The following PTPRA variants were observed in gnomAD, a reference collection of about 807,000 sequenced individuals.
The protein encoded by PTPRA is receptor-type tyrosine-protein phosphatase alpha.
PTPRA carries 25 observed loss-of-function variants against 104.8 expected under a neutral mutation model. The observed-to-expected ratio is 0.24, with a 90% CI of 0.17 to 0.33. The LOEUF (loss-of-function observed/expected upper bound fraction) is 0.33, where lower values mean the gene tolerates loss of function less well. Among genes scored for constraint, PTPRA ranks in the 10% least tolerant of loss-of-function variants. The pLI is 1.00. For missense variants in PTPRA, 765 were observed against 1,015.3 expected, an observed-to-expected ratio of 0.75 and a Z score of 3.35; for synonymous variants, 323 against 368.9, an observed-to-expected ratio of 0.88 and a Z score of 1.43.
At chr20:2,913,964 A>G (rs538784161) in intron 1 of PTPRA, among the ~76,000 whole-genome samples, 25 of 152,264 alleles carry the variant, frequency 1.6e-4, no homozygotes, top group Admixed American at 6.5e-5. Context: ...TCCCTTCTAC[A>G]TCCATTCATT....
intron 2 of PTPRA, among the ~76,000 whole-genome samples, chr20:2,923,733 A>AG (rs1825469765): frequency 1.3e-5 from 2 of 152,152 alleles, no homozygotes; most frequent in Admixed American, 6.6e-5. Context: ...CAGGAGACAG[A>AG]GGTTGCAGTG....
chr20:2,929,446 T>C (rs1220808134), intron 2 of PTPRA, among the ~76,000 whole-genome samples: 2 of 152,220 alleles, frequency 1.3e-5, no homozygotes, highest in Non-Finnish European at 2.9e-5. Context: ...ATCCCTTCTT[T>C]TGAACACTGT....
chr20:3,021,989 C>A, intron 14 of PTPRA, 65 bp from the exon 15 acceptor site: 1 of 1,582,598 alleles, frequency 6.3e-7, no homozygotes, highest in South Asian at 1.1e-5. Flanking sequence ...CTGTCACCTT[C>A]CCTCCCCTGG....
chr20:3,033,579 T>C (rs547648869), intron 20 of PTPRA, among the ~76,000 whole-genome samples: 2 of 151,590 alleles, frequency 1.3e-5, no homozygotes, highest in South Asian at 2.1e-4. Flanking sequence ...CTTTTGAAAA[T>C]ATAAATCATT....
chr20:2,903,128 T>G (rs897541778), intron 1 of PTPRA, among the ~76,000 whole-genome samples: 2 of 152,230 alleles, frequency 1.3e-5, no homozygotes, highest in Non-Finnish European at 2.9e-5. Flanking sequence ...AAGGAAATGC[T>G]TATTCCATGG....
At chr20:2,916,999 C>T (rs1349216274) in intron 1 of PTPRA, among the ~76,000 whole-genome samples, 1 of 146,970 alleles carries the variant, frequency 6.8e-6, no homozygotes, top group Non-Finnish European at 1.5e-5. Flanking sequence ...CCTCTATTGC[C>T]CAGGCTGGAG....
chr20:2,865,571 A>T, the PTPRA span: 1 of 1,372,578 alleles, frequency 7.3e-7, no homozygotes, highest in Non-Finnish European at 1.0e-6. The surrounding 1 kb of genome is among the most constrained non-coding windows in gnomAD (Gnocchi z 5.2). Context: ...AGGGAGACAG[A>T]TAGGATGGCC....
intron 9 of PTPRA, among the ~76,000 whole-genome samples, chr20:3,001,292 C>T (rs184298081): frequency 6.6e-5 from 10 of 152,222 alleles, no homozygotes; most frequent in South Asian, 2.1e-4. Flanking sequence ...CCTTTCTTCT[C>T]TCTTGTTAAA....
chr20:2,917,247 T>C (rs1460594256), intron 1 of PTPRA, among the ~76,000 whole-genome samples: 1 of 152,056 alleles, frequency 6.6e-6, no homozygotes, highest in Non-Finnish European at 1.5e-5. Flanking sequence ...CATGAAAGCT[T>C]TTTTATTTTT....
At chr20:3,015,778 C>G in intron 11 of PTPRA, 71 bp from the exon 12 acceptor site, 1 of 1,337,408 alleles carries the variant, frequency 7.5e-7, no homozygotes, top group Non-Finnish European at 1.1e-6. Context: ...TGGTTGGAGT[C>G]AGACTGGAGA....
chr20:2,869,027 G>A (rs1600023040), upstream of PTPRA, among the ~76,000 whole-genome samples: 3 of 152,136 alleles, frequency 2.0e-5, no homozygotes, highest in East Asian at 5.8e-4. Flanking sequence ...CTTTAAAAAG[G>A]CAGTTTTGTA....
At chr20:2,951,952 C>G (rs2061368752) in intron 3 of PTPRA, among the ~76,000 whole-genome samples, 1 of 152,134 alleles carries the variant, frequency 6.6e-6, no homozygotes, top group South Asian at 2.1e-4. Context: ...GAAACCCCCT[C>G]TCTACTAAAA....
chr20:3,000,839 A>G (rs944782490), intron 9 of PTPRA, among the ~76,000 whole-genome samples: 4 of 152,208 alleles, frequency 2.6e-5, no homozygotes, highest in African/African-American at 9.7e-5. Flanking sequence ...TGTAAAAAAT[A>G]TGAGATACAA....
In PTPRA at chr20:2,909,836, TATATA is replaced by T. The variant is rs898845449; in HGVS notation, c.-128-13364_-128-13360del. 3.0e-3 allele frequency among the ~76,000 whole-genome samples: 406 copies of T among 134,216 alleles called. 1 individual carries two copies. Among genetic ancestry groups the T allele is most frequent in the African/African-American group, 9.8e-3 (351 of 35,718 alleles). 88.1% of individuals were successfully genotyped at this position (134,216 alleles called of 152,430 possible). On this transcript the variant is annotated intron_variant, in intron 1 of 23. Coordinates refer to ENST00000399903, the MANE Select transcript of PTPRA (RefSeq NM_001385305.1). The stretch of plus-strand genomic sequence containing the variant: ...ATAAGATAATATATATTAGATAATA[TATATA>T]ATATAAGATAATATATATTATATAA...
At chr20:2,899,745 T>C (rs925550852) in intron 1 of PTPRA, among the ~76,000 whole-genome samples, 1 of 152,210 alleles carries the variant, frequency 6.6e-6, no homozygotes, top group Admixed American at 6.5e-5. Context: ...AGCCATGGTT[T>C]CATTCCAATA....
chr20:2,896,150 G>T (rs1459560370), intron 1 of PTPRA, among the ~76,000 whole-genome samples: 2 of 152,050 alleles, frequency 1.3e-5, no homozygotes, highest in Non-Finnish European at 2.9e-5. Context: ...TGAGGCAGGG[G>T]GATCACTTGA....
intron 3 of PTPRA, among the ~76,000 whole-genome samples, chr20:2,955,458 CTA>C (rs1411388655): frequency 6.6e-6 from 1 of 152,224 alleles, no homozygotes; most frequent in African/African-American, 2.4e-5. Flanking sequence ...GTTTCATTCT[CTA>C]TATAATGTTG....
chr20:2,877,490 C>A (rs2089796825), intron 1 of PTPRA, among the ~76,000 whole-genome samples: 1 of 152,174 alleles, frequency 6.6e-6, no homozygotes, highest in South Asian at 2.1e-4. Flanking sequence ...AACTCCTGAC[C>A]TCAGGTGATC....
At chr20:2,949,304 T>A (rs1264893453) in intron 3 of PTPRA, among the ~76,000 whole-genome samples, 2 of 151,226 alleles carry the variant, frequency 1.3e-5, no homozygotes, top group African/African-American at 4.9e-5. Context: ...TCTTGTAGAT[T>A]TTCTTTTTTT....
Sources: gnomAD v4.1 joint callset for allele counts (sites outside exome capture counted in the v4.1 genomes callset) on GRCh38, gnomAD v4.1.1 for gene constraint, Gnocchi (gnomAD v3.1) non-coding constraint, MANE v1.5 for transcripts, NCBI Gene and HGNC (gene_info 2026-07-23, HGNC 2026-07-21) for gene names.